The following PIP4K2A variants were observed in gnomAD, a reference collection of about 807,000 sequenced individuals.
The protein encoded by PIP4K2A is phosphatidylinositol-5-phosphate 4-kinase type 2 alpha.
PIP4K2A carries 14 observed loss-of-function variants against 42.9 expected under a neutral mutation model. That is an observed-to-expected ratio of 0.33 (90% CI 0.22 to 0.51). PIP4K2A has a LOEUF of 0.51. Among genes scored for constraint, PIP4K2A ranks in the 20% least tolerant of loss-of-function variants. PIP4K2A has a pLI of 0.97. For synonymous variants in PIP4K2A, 192 were observed against 192.2 expected, an observed-to-expected ratio of 1.00 and a Z score of 0.01; for missense variants, 434 against 519.8, an observed-to-expected ratio of 0.83 and a Z score of 1.61.
intron 1 of PIP4K2A, among the ~76,000 whole-genome samples, chr10:22,700,100 G>GAGGAAGAAAACGGATACCAGC (rs1833686798): frequency 6.6e-6 from 1 of 152,180 alleles, no homozygotes; most frequent in Non-Finnish European, 1.5e-5. Context: ...CTGGAGTCAG[G>GAGGAAGAAAACGGATACCAGC]AGGAAGAAAA....
chr10:22,639,359 T>TTA lies in PIP4K2A; in HGVS notation c.145-29643_145-29642insTA, dbSNP rs1838731619. Reference sequence around the variant, plus strand: ...TTATACTTGAGAAATCAAAAGAAGCTAAAAAAAAAAAAAAGAATTAACATT... The same window carrying TTA: ...TTATACTTGAGAAATCAAAAGAAGCTTAAAAAAAAAAAAAAAGAATTAACATT... On this transcript the variant is annotated intron_variant, in intron 1 of 9. Transcript: ENST00000376573. Among the ~76,000 whole-genome samples, 4 of 135,730 alleles carry TTA rather than the reference T, an allele frequency of 2.9e-5. No individual in the cohort carries two copies. The South Asian group carries it at 9.4e-4, about 32-fold the overall frequency. 89.0% of individuals were successfully genotyped at this position (135,730 alleles called of 152,430 possible). A position where few individuals can be genotyped will look rare whatever the true frequency, so the allele number is the denominator to read the frequency against.
Position 22,536,044 on chromosome 10 carries a change from A to G in PIP4K2A, c.*1157T>C. 1 of 398,484 alleles carries G rather than the reference A, an allele frequency of 2.5e-6. No homozygotes were observed. Among genetic ancestry groups the G allele is most frequent in the Non-Finnish European group, 4.4e-6 (1 of 225,996 alleles). 24.7% of individuals were successfully genotyped at this position (398,484 alleles called of 1,614,324 possible). On this transcript the variant is annotated 3_prime_UTR_variant, in exon 10 of 10. Transcript: ENST00000376573. ...ACTTTACATGTAAACTTCAAAAATC[A>G]CATGCTGTACATCAAATTTTTAGAT...
At chr10:22,693,339 C>A (rs546955652) in intron 1 of PIP4K2A, among the ~76,000 whole-genome samples, 1 of 152,036 alleles carries the variant, frequency 6.6e-6, no homozygotes, top group African/African-American at 2.4e-5. Context: ...TCTTTGTTAA[C>A]ATTTTTAAGG....
chr10:22,655,587 C>T (rs1042466466), intron 1 of PIP4K2A, among the ~76,000 whole-genome samples: 9 of 152,300 alleles, frequency 5.9e-5, no homozygotes, highest in African/African-American at 2.2e-4. Flanking sequence ...CTTTTGTGTT[C>T]TAAGTTGTTT....
intron 1 of PIP4K2A, among the ~76,000 whole-genome samples, chr10:22,707,302 T>C (rs971007242): frequency 3.9e-5 from 6 of 152,364 alleles, no homozygotes; most frequent in East Asian, 3.9e-4. Context: ...CAAGGTCACA[T>C]AGCCAACCGA....
At chr10:22,600,564 T>A (rs867141421) in intron 3 of PIP4K2A, among the ~76,000 whole-genome samples, 1 of 152,172 alleles carries the variant, frequency 6.6e-6, no homozygotes, top group Non-Finnish European at 1.5e-5. Flanking sequence ...CCCGGAAATA[T>A]TCTTTTCCCC....
chr10:22,650,477 C>G (rs573080177), intron 1 of PIP4K2A, among the ~76,000 whole-genome samples: 170 of 152,036 alleles, frequency 1.1e-3, no homozygotes, highest in Non-Finnish European at 2.0e-3. Context: ...GTTTTCATAA[C>G]TATAAAATGG....
intron 5 of PIP4K2A, 138 bp downstream of exon 5, chr10:22,573,173 G>C: frequency 1.4e-6 from 1 of 716,738 alleles, no homozygotes; most frequent in Non-Finnish European, 2.3e-6. Flanking sequence ...TGCCTCACAG[G>C]AAGGAATACA....
intron 4 of PIP4K2A, among the ~76,000 whole-genome samples, chr10:22,590,833 G>T (rs1316341143): frequency 1.3e-5 from 2 of 152,162 alleles, no homozygotes; most frequent in African/African-American, 4.8e-5. Flanking sequence ...TCACGCCACT[G>T]CACTTCAACC....
At chr10:22,578,385 T>C (rs1359651780) in intron 4 of PIP4K2A, among the ~76,000 whole-genome samples, 3 of 152,220 alleles carry the variant, frequency 2.0e-5, no homozygotes, top group Admixed American at 6.5e-5. Context: ...CTCAATGACC[T>C]TTGAGTGGTT....
chr10:22,667,873 G>A (rs950396984), intron 1 of PIP4K2A, among the ~76,000 whole-genome samples: 1 of 73,102 alleles, frequency 1.4e-5, no homozygotes, highest in Non-Finnish European at 3.2e-5. Context: ...TTCTGTGTGT[G>A]TGTGTGTGTG....
At chr10:22,657,553 AAGAC>A (rs1180841116) in intron 1 of PIP4K2A, among the ~76,000 whole-genome samples, 1 of 152,242 alleles carries the variant, frequency 6.6e-6, no homozygotes, top group Admixed American at 6.5e-5. Flanking sequence ...TTCCAAAGCA[AAGAC>A]AGACGCACTG....
intron 1 of PIP4K2A, among the ~76,000 whole-genome samples, chr10:22,621,420 T>C (rs932612203): frequency 1.3e-5 from 2 of 152,244 alleles, no homozygotes; most frequent in Non-Finnish European, 2.9e-5. Flanking sequence ...ATATTTAATA[T>C]GCTAAAATAA....
At chr10:22,664,060 T>TATACACACAC (rs570101374) in intron 1 of PIP4K2A, among the ~76,000 whole-genome samples, 2 of 83,074 alleles carry the variant, frequency 2.4e-5, no homozygotes, top group Non-Finnish European at 4.2e-5. Flanking sequence ...TATGTATATA[T>TATACACACAC]ACATATATAT....
At chr10:22,606,900 T>C (rs2559525) in intron 3 of PIP4K2A, among the ~76,000 whole-genome samples, 148,270 of 152,354 alleles carry the variant, frequency 0.97, 72,171 homozygotes, top group East Asian at 1. Context: ...TGAGATATCT[T>C]GGGGATGGGA....
chr10:22,583,084 C>G (rs187433290), intron 4 of PIP4K2A, among the ~76,000 whole-genome samples: 1 of 152,202 alleles, frequency 6.6e-6, no homozygotes, highest in Admixed American at 6.5e-5. Context: ...TAAGTACATA[C>G]ACGGATGTGC....
intron 4 of PIP4K2A, among the ~76,000 whole-genome samples, chr10:22,584,756 C>A (rs1837355065): frequency 6.6e-6 from 1 of 152,178 alleles, no homozygotes; most frequent in Non-Finnish European, 1.5e-5. Context: ...CCGCAGTTTA[C>A]AATGGCAGCA....
intron 6 of PIP4K2A, among the ~76,000 whole-genome samples, chr10:22,554,781 T>C (rs1204500466): frequency 6.6e-5 from 10 of 152,294 alleles, no homozygotes; most frequent in African/African-American, 2.4e-5. Context: ...GACGAGGGTA[T>C]GGGAGGGAAC....
intron 4 of PIP4K2A, among the ~76,000 whole-genome samples, chr10:22,591,418 T>C (rs1272569481): frequency 3.3e-5 from 5 of 152,226 alleles, no homozygotes. Context: ...GTTATACAAA[T>C]AATGAATGAC....
Sources: allele counts gnomAD v4.1 joint callset (sites outside exome capture counted in the v4.1 genomes callset), GRCh38; gene constraint gnomAD v4.1.1; transcripts MANE v1.5; gene names NCBI Gene and HGNC (gene_info 2026-07-23, HGNC 2026-07-21).